The following COG5 variants were observed in gnomAD, a reference collection of about 807,000 sequenced individuals.
COG5 encodes the protein component of oligomeric golgi complex 5, also known as conserved oligomeric Golgi complex subunit 5.
In COG5, 86 loss-of-function variants were observed where a neutral mutation model predicts 110.4. The observed-to-expected ratio is 0.78, with a 90% CI of 0.65 to 0.93. The LOEUF (loss-of-function observed/expected upper bound fraction) is 0.93. Ranked by LOEUF, COG5 falls within the 40% of genes least tolerant of loss-of-function variation. The pLI is 0.00. For synonymous variants in COG5, 360 were observed against 334.6 expected, an observed-to-expected ratio of 1.08 and a Z score of -0.83; for missense variants, 1,077 against 987.0, an observed-to-expected ratio of 1.09 and a Z score of -1.22.
chr7:107,425,340 C>T, intron 6 of COG5, among the ~76,000 whole-genome samples: 1 of 140,562 alleles, frequency 7.1e-6, no homozygotes. Flanking sequence ...GAGACTCTGT[C>T]TCCAAAAAAA....
chr7:107,348,771 A>C (rs963311776), intron 10 of COG5, among the ~76,000 whole-genome samples: 1 of 152,188 alleles, frequency 6.6e-6, no homozygotes, highest in Non-Finnish European at 1.5e-5. Context: ...TGCACACATC[A>C]TGGCTCTGTA....
chr7:107,421,647 A>G (rs1022188245), intron 6 of COG5, among the ~76,000 whole-genome samples: 7 of 151,714 alleles, frequency 4.6e-5, no homozygotes, highest in Non-Finnish European at 8.8e-5. Context: ...AAAATTAGCC[A>G]CACGTGGTGG....
chr7:107,223,869 A>C (rs899789914), intron 19 of COG5, among the ~76,000 whole-genome samples: 17 of 152,320 alleles, frequency 1.1e-4, no homozygotes, highest in African/African-American at 3.8e-4. Flanking sequence ...AAGTGCTGTG[A>C]GGGCTAAATG....
intron 10 of COG5, among the ~76,000 whole-genome samples, chr7:107,351,685 A>C (rs149852242): frequency 0.15 from 23,444 of 152,014 alleles, 2,247 homozygotes; most frequent in Non-Finnish European, 0.21. Context: ...GAAGACATTT[A>C]TGCAGCCAAA....
chr7:107,563,594 T>C, intron 1 of COG5: 1 of 578,972 alleles, frequency 1.7e-6, no homozygotes, highest in South Asian at 1.8e-5. Flanking sequence ...AAACCAAGTG[T>C]CCCCAAGACT....
At chr7:107,537,650 T>C (rs779107002) in intron 5 of COG5, among the ~76,000 whole-genome samples, 8 of 151,686 alleles carry the variant, frequency 5.3e-5, no homozygotes, top group Non-Finnish European at 1.2e-4. Flanking sequence ...AATGGGTTGA[T>C]GGGTGCAGCA....
chr7:107,542,145 A>C (rs1802086550), intron 5 of COG5, among the ~76,000 whole-genome samples: 1 of 152,144 alleles, frequency 6.6e-6, no homozygotes, highest in Non-Finnish European at 1.5e-5. Flanking sequence ...TTTTTCATAA[A>C]AGAGAACTAA....
At chr7:107,473,133 T>C (rs964559059) in intron 6 of COG5, 3 of 151,896 alleles carry the variant, frequency 2.0e-5, no homozygotes, top group Admixed American at 6.6e-5. Context: ...CATACTCCTT[T>C]TCCCTAAAAT....
chr7:107,336,717 A>C (rs1041704026), intron 10 of COG5, among the ~76,000 whole-genome samples: 19 of 152,178 alleles, frequency 1.2e-4, no homozygotes, highest in African/African-American at 4.1e-4. Context: ...TCCTCAATTA[A>C]AGTCACTGAC....
intron 5 of COG5, among the ~76,000 whole-genome samples, chr7:107,531,816 G>T (rs986957395): frequency 9.2e-5 from 14 of 151,902 alleles, no homozygotes; most frequent in Non-Finnish European, 1.8e-4. Context: ...GTACCACTTT[G>T]CCTGAGACTG....
intron 1 of COG5, among the ~76,000 whole-genome samples, chr7:107,558,478 C>A (rs992982049): frequency 6.6e-6 from 1 of 152,002 alleles, no homozygotes; most frequent in African/African-American, 2.4e-5. Flanking sequence ...ATGGCGGGTG[C>A]CTGTAATCCC....
At chr7:107,505,877 C>T (rs949387323) in intron 6 of COG5, among the ~76,000 whole-genome samples, 3 of 152,146 alleles carry the variant, frequency 2.0e-5, no homozygotes, top group African/African-American at 7.2e-5. Flanking sequence ...AGTGTGGCTG[C>T]CATACTCTAG....
chr7:107,205,839 T>C (rs564131647), intron 21 of COG5, among the ~76,000 whole-genome samples: 2 of 152,054 alleles, frequency 1.3e-5, no homozygotes, highest in Admixed American at 1.3e-4. Context: ...CTTGACTTAG[T>C]AGGATCCGGC....
At chr7:107,563,055 T>A (rs1347128662) in intron 1 of COG5, among the ~76,000 whole-genome samples, 2 of 152,222 alleles carry the variant, frequency 1.3e-5, no homozygotes, top group African/African-American at 4.8e-5. Context: ...TTTATTTTTA[T>A]GCTTATAAAT....
intron 19 of COG5, among the ~76,000 whole-genome samples, chr7:107,215,838 T>G (rs1040782466): frequency 6.6e-6 from 1 of 150,838 alleles, no homozygotes; most frequent in African/African-American, 2.4e-5. Context: ...GCCTACGGAG[T>G]AGCTGGGACT....
chr7:107,208,995 A>G, intron 21 of COG5: 20 of 976,292 alleles, frequency 2.0e-5, no homozygotes, highest in Non-Finnish European at 2.4e-5. Flanking sequence ...CCTACCCTGG[A>G]GATTCTGAGG....
At chr7:107,403,596 C>T (rs894030774) in intron 7 of COG5, among the ~76,000 whole-genome samples, 3 of 151,532 alleles carry the variant, frequency 2.0e-5, no homozygotes, top group African/African-American at 7.3e-5. Flanking sequence ...ACAACGGACA[C>T]CTTTTTAATA....
chr7:107,311,559 A>G (rs1584660751), intron 11 of COG5, among the ~76,000 whole-genome samples: 1 of 149,130 alleles, frequency 6.7e-6, no homozygotes, highest in East Asian at 2.0e-4. Context: ...GCGCCCGGCT[A>G]ATTTTTTGTA....
At chr7:107,436,150 G>C (rs557620237) in intron 6 of COG5, among the ~76,000 whole-genome samples, 2 of 152,326 alleles carry the variant, frequency 1.3e-5, no homozygotes, top group African/African-American at 2.4e-5. Context: ...AGGATGGGGA[G>C]AGGGAAGGAT....
Sources: allele counts gnomAD v4.1 joint callset (sites outside exome capture counted in the v4.1 genomes callset), GRCh38; gene constraint gnomAD v4.1.1; transcripts MANE v1.5; gene names NCBI Gene and HGNC (gene_info 2026-07-23, HGNC 2026-07-21).